HSPA4: variants seen among roughly 807,000 people sequenced by gnomAD.
HSPA4 encodes heat shock protein family A (Hsp70) member 4.
In HSPA4, 25 loss-of-function variants were observed where a neutral mutation model predicts 106.2. The ratio of observed to expected loss-of-function variants is 0.24; its 90% CI spans 0.17 to 0.33. HSPA4 has a LOEUF of 0.33. HSPA4 is among the 10% of genes least tolerant of loss of function. HSPA4 has a pLI of 1.00. For missense variants in HSPA4, 841 were observed against 996.0 expected (o/e 0.84, Z 2.10); for synonymous variants, 332 against 333.6 (o/e 1.00, Z 0.05).
At chr5:133,078,865 C>T (rs1765480393) in intron 7 of HSPA4, among the ~76,000 whole-genome samples, 1 of 151,952 alleles carries the variant, frequency 6.6e-6, no homozygotes, top group Non-Finnish European at 1.5e-5. Context: ...TCCTGAGTAG[C>T]TGGGACTACA....
At chr5:133,093,454 T>A (rs1050897512) in intron 13 of HSPA4, among the ~76,000 whole-genome samples, 1 of 152,048 alleles carries the variant, frequency 6.6e-6, no homozygotes, top group Non-Finnish European at 1.5e-5. Flanking sequence ...ACTGAAAAAA[T>A]TTTCAAAATC....
chr5:133,059,022 G>A (rs1361388296), intron 1 of HSPA4, among the ~76,000 whole-genome samples: 2 of 145,946 alleles, frequency 1.4e-5, no homozygotes, highest in African/African-American at 4.9e-5. Flanking sequence ...CAGCTCCTCA[G>A]GAGGCTGAGG....
intron 15 of HSPA4, among the ~76,000 whole-genome samples, chr5:133,099,035 G>A (rs1765750695): frequency 6.6e-6 from 1 of 152,132 alleles, no homozygotes; most frequent in South Asian, 2.1e-4. Context: ...TCCACGGCAG[G>A]GAGAATAATA....
At chr5:133,079,596 G>T (rs1283498514) in intron 7 of HSPA4, among the ~76,000 whole-genome samples, 1 of 152,114 alleles carries the variant, frequency 6.6e-6, no homozygotes, top group Non-Finnish European at 1.5e-5. Context: ...ATGGACATTT[G>T]TGAACAAGTA....
At chr5:133,062,058 G>A (rs1281815120) in intron 1 of HSPA4, among the ~76,000 whole-genome samples, 1 of 152,208 alleles carries the variant, frequency 6.6e-6, no homozygotes, top group African/African-American at 2.4e-5. Context: ...CATAAGCAAA[G>A]CAGGAAGATT....
chr5:133,065,077 T>C, intron 2 of HSPA4, 40 bp downstream of exon 2: 4 of 1,542,334 alleles, frequency 2.6e-6, no homozygotes, highest in Non-Finnish European at 2.7e-6. Context: ...TTATTTCTCC[T>C]CTTCATCCAT....
chr5:133,053,891 C>G (rs930616707), intron 1 of HSPA4, among the ~76,000 whole-genome samples: 1 of 151,986 alleles, frequency 6.6e-6, no homozygotes, highest in South Asian at 2.1e-4. Context: ...AACTCCTGAC[C>G]TCAAGTGATC....
In HSPA4 at chr5:133,070,449, A is replaced by G. The variant is rs1286134065; in HGVS notation, c.382A>G (p.Thr128Ala). ...CATGCTTTTGTCCAAACTGAAGGAG[A>G]CAGCCGAAAGTGTTCTTAAGAAGCC... ...TAMLLSKLKE[T>A]AESVLKKPVV... The change falls in exon 4 of 19, where the codon ACA (threonine) becomes GCA (alanine). Residue 128 changes from threonine to alanine, a missense_variant. This residue lies in a region of HSPA4 where 347 missense variants were observed against 408.7 expected (regional missense o/e 0.85). Coordinates refer to ENST00000304858, the MANE Select transcript of HSPA4 (RefSeq NM_002154.4). 1.9e-6 allele frequency: 3 copies of G among 1,613,730 alleles called. No homozygotes were observed. Among genetic ancestry groups the G allele is most frequent in the Non-Finnish European group, 2.5e-6 (3 of 1,179,884 alleles).
Position 133,104,322 on chromosome 5 carries a change from T to C in HSPA4, c.2409T>C (p.Asn803=), listed in dbSNP as rs1765827673. 3 of 1,614,038 alleles carry C rather than the reference T, an allele frequency of 1.9e-6. No homozygotes were observed. The South Asian group carries it at 3.3e-5, about 18-fold the overall frequency. Residue 803 remains asparagine, a synonymous_variant, in exon 19 of 19, where the codon AAT becomes AAC. Coordinates refer to ENST00000304858, the MANE Select transcript of HSPA4 (RefSeq NM_002154.4). ...PKEEQKNAEQ[N]GPVDGQGDNP... Reference sequence around the variant, plus strand: ...AGGAACAAAAAAATGCAGAGCAGAATGGACCAGTGGATGGACAAGGAGACA... The same window carrying C: ...AGGAACAAAAAAATGCAGAGCAGAACGGACCAGTGGATGGACAAGGAGACA...
intron 15 of HSPA4, among the ~76,000 whole-genome samples, chr5:133,098,495 AT>A (rs1461192460): frequency 6.0e-5 from 8 of 132,538 alleles, no homozygotes; most frequent in African/African-American, 8.5e-5. Flanking sequence ...TTTTTTTTGT[AT>A]TTTTTTTTAG....
chr5:133,099,703 T>G, intron 16 of HSPA4, 51 bp downstream of exon 16: 2 of 865,060 alleles, frequency 2.3e-6, no homozygotes, highest in East Asian at 4.9e-5. Context: ...TGAAGCTTCC[T>G]CTGAGGAGCT....
chr5:133,072,089 A>G (rs1765389032), intron 4 of HSPA4, among the ~76,000 whole-genome samples: 2 of 152,146 alleles, frequency 1.3e-5, no homozygotes, highest in Non-Finnish European at 2.9e-5. Flanking sequence ...TTTGGGTATC[A>G]AGTTAAAAGG....
intron 1 of HSPA4, among the ~76,000 whole-genome samples, chr5:133,060,761 A>G (rs1204351915): frequency 6.6e-6 from 1 of 151,100 alleles, no homozygotes; most frequent in Non-Finnish European, 1.5e-5. Context: ...TCCCACATCA[A>G]TAGATAATTT....
In HSPA4 at chr5:133,052,262, G is replaced by C; in HGVS notation, c.12G>C (p.Val4=). 5.0e-6 allele frequency: 8 copies of C among 1,591,312 alleles called. No homozygotes were observed. The highest frequency in any genetic ancestry group is 6.8e-6 in the Non-Finnish European group (8 of 1,172,314). Residue 4 remains valine, a synonymous_variant, in exon 1 of 19, where the codon GTG becomes GTC. Coordinates refer to ENST00000304858, the MANE Select transcript of HSPA4 (RefSeq NM_002154.4). MSV[V]GIDLGFQSCY... Reference sequence around the variant, plus strand: ...CAGTAGCCGGCGCCATGTCGGTGGTGGGCATAGACCTGGGCTTCCAGAGCT... The same window carrying C: ...CAGTAGCCGGCGCCATGTCGGTGGTCGGCATAGACCTGGGCTTCCAGAGCT...
chr5:133,095,031 A>G (rs1288126991), intron 13 of HSPA4, among the ~76,000 whole-genome samples: 1 of 152,118 alleles, frequency 6.6e-6, no homozygotes, highest in Non-Finnish European at 1.5e-5. Flanking sequence ...AAAAAACTAG[A>G]AGAGTCGCTG....
intron 3 of HSPA4, among the ~76,000 whole-genome samples, chr5:133,067,811 C>G (rs1303757072): frequency 4.0e-5 from 6 of 151,128 alleles, no homozygotes; most frequent in Non-Finnish European, 8.8e-5. Context: ...GCCATTGCTG[C>G]TTGTTTTGCT....
chr5:133,073,854 C>T (rs1717798437), intron 5 of HSPA4, 139 bp from the exon 6 acceptor site: 1 of 499,288 alleles, frequency 2.0e-6, no homozygotes. Context: ...ATAAATTATA[C>T]AGTGCTTATA....
intron 16 of HSPA4, 81 bp downstream of exon 16, chr5:133,099,733 C>G: frequency 3.3e-6 from 2 of 611,952 alleles, no homozygotes; most frequent in South Asian, 2.5e-5. Context: ...GAGGAATTCT[C>G]AAGTAAAGAC....
chr5:133,094,773 A>T (rs1010742607), intron 13 of HSPA4, among the ~76,000 whole-genome samples: 1 of 152,166 alleles, frequency 6.6e-6, no homozygotes, highest in Non-Finnish European at 1.5e-5. Context: ...TGATAGATAA[A>T]TTTCAGCAGC....
Sources: gnomAD v4.1 joint callset for allele counts (sites outside exome capture counted in the v4.1 genomes callset) on GRCh38, gnomAD v4.1.1 for gene constraint, gnomAD v4.1.1 regional missense constraint, MANE v1.5 for transcripts, NCBI Gene and HGNC (gene_info 2026-07-23, HGNC 2026-07-21) for gene names.